GRAP2: variants seen among roughly 807,000 people sequenced by gnomAD.
GRAP2 encodes GRB2 related adaptor protein 2, also known as GRB2-related adapter protein 2.
Under a neutral mutation model 43.5 loss-of-function variants are expected in GRAP2, and 31 were observed. The observed-to-expected ratio is 0.71, with a 90% CI of 0.54 to 0.96. The LOEUF (loss-of-function observed/expected upper bound fraction) is 0.96. Ranked by LOEUF, GRAP2 falls within the 40% of genes least tolerant of loss-of-function variation. The pLI, the probability that GRAP2 is intolerant of heterozygous loss-of-function variation, is 0.00. For synonymous variants in GRAP2, 156 were observed against 164.8 expected, an observed-to-expected ratio of 0.95 and a Z score of 0.41; for missense variants, 371 against 424.4, an observed-to-expected ratio of 0.87 and a Z score of 1.11.
intron 1 of GRAP2, among the ~76,000 whole-genome samples, chr22:39,930,701 C>T (rs1054259222): frequency 6.6e-6 from 1 of 152,200 alleles, no homozygotes; most frequent in Non-Finnish European, 1.5e-5. Flanking sequence ...TCCCATCATC[C>T]TTGGTATGAA....
At chr22:39,897,918 C>T (rs980767308), upstream of GRAP2, among the ~76,000 whole-genome samples, 2 of 152,098 alleles carry the variant, frequency 1.3e-5, no homozygotes, top group African/African-American at 4.8e-5. Context: ...AACTTAAAAC[C>T]CAAGTCAGAT....
At chr22:39,954,475 A>C (rs2067023688) in intron 2 of GRAP2, among the ~76,000 whole-genome samples, 1 of 152,090 alleles carries the variant, frequency 6.6e-6, no homozygotes, top group Non-Finnish European at 1.5e-5. Flanking sequence ...GGTTCACTGC[A>C]ACCTTGCCTC....
At chr22:39,949,787 T>G (rs2066962737) in intron 2 of GRAP2, among the ~76,000 whole-genome samples, 1 of 152,186 alleles carries the variant, frequency 6.6e-6, no homozygotes, top group Admixed American at 6.5e-5. Context: ...GTGGCCCGCA[T>G]TATCGGGATC....
intron 3 of GRAP2, among the ~76,000 whole-genome samples, chr22:39,959,090 A>G (rs2067088758): frequency 6.6e-6 from 1 of 152,230 alleles, no homozygotes; most frequent in Admixed American, 6.5e-5. Context: ...GACAGCAATT[A>G]GAGCAGCCAC....
In GRAP2 at chr22:39,972,949, T is replaced by G. The variant is rs928381696; in HGVS notation, c.*1865T>G. On this transcript the variant is annotated 3_prime_UTR_variant, in exon 8 of 8. Coordinates refer to ENST00000344138, the MANE Select transcript of GRAP2 (RefSeq NM_004810.4). ...TGAGTGGGGCCAGGGAAGAGAACGG[T>G]GTGGAGTTGGTGGGCAGATGGTGCA... 4.6e-5 allele frequency: 7 copies of G among 152,506 alleles called. No homozygotes were observed. The highest frequency in any genetic ancestry group is 1.7e-4 in the African/African-American group (7 of 41,064). The allele number at this position is 152,506 out of a possible 1,614,324, so 9.4% of individuals were successfully genotyped here.
At chr22:39,926,858 G>A (rs1331876456) in intron 1 of GRAP2, 2 of 983,456 alleles carry the variant, frequency 2.0e-6, no homozygotes. Flanking sequence ...AATCAAGTAA[G>A]TATAAATATA....
chr22:39,944,338 C>T (rs1197491803), intron 1 of GRAP2, among the ~76,000 whole-genome samples: 1 of 152,122 alleles, frequency 6.6e-6, no homozygotes, highest in Non-Finnish European at 1.5e-5. Flanking sequence ...AAACCGACCC[C>T]TGAGGGTGAC....
At chr22:39,963,332 C>T (rs2067138237) in intron 4 of GRAP2, among the ~76,000 whole-genome samples, 1 of 152,214 alleles carries the variant, frequency 6.6e-6, no homozygotes, top group South Asian at 2.1e-4. Context: ...CCTTGTAGAC[C>T]CAGATAACCA....
chr22:39,954,928 C>A (rs937258097), intron 2 of GRAP2, among the ~76,000 whole-genome samples: 1 of 152,160 alleles, frequency 6.6e-6, no homozygotes, highest in South Asian at 2.1e-4. Flanking sequence ...AAAAGGCATC[C>A]CAAGTATCTT....
At chr22:39,903,294 C>T (rs1014242719) in intron 1 of GRAP2, among the ~76,000 whole-genome samples, 2 of 152,066 alleles carry the variant, frequency 1.3e-5, no homozygotes, top group African/African-American at 4.8e-5. Context: ...ACAATAGGGT[C>T]GCTAGGTCCC....
chr22:39,949,392 T>G (rs2066958271), intron 2 of GRAP2, among the ~76,000 whole-genome samples: 1 of 152,108 alleles, frequency 6.6e-6, no homozygotes, highest in South Asian at 2.1e-4. Context: ...CCCCTCCATT[T>G]CATAGATGAG....
In GRAP2 at chr22:39,947,872, G is replaced by A. The variant is rs374654429; in HGVS notation, c.78+688G>A. 2.6e-5 allele frequency: 4 copies of A among 152,462 alleles called. No individual in the cohort carries two copies. In the East Asian group the frequency reaches 5.8e-4, roughly 22 times the overall value. 9.4% of individuals were successfully genotyped at this position (152,462 alleles called of 1,614,324 possible). A position where few individuals can be genotyped will look rare whatever the true frequency, so the allele number is the denominator to read the frequency against. On this transcript the variant is annotated intron_variant, in intron 2 of 7. Coordinates refer to ENST00000344138, the MANE Select transcript of GRAP2 (RefSeq NM_004810.4). ...AGCCCTTGGGTTTTTGTTTTGTTTT[G>A]TTTGTTTGCAAAAGAGCATAAGCCC...
At chr22:39,917,979 A>G (rs2066616572) in intron 1 of GRAP2, among the ~76,000 whole-genome samples, 1 of 152,208 alleles carries the variant, frequency 6.6e-6, no homozygotes, top group Non-Finnish European at 1.5e-5. Context: ...AACCAAAATA[A>G]TACATTTTCT....
chr22:39,933,025 A>G (rs146459836), intron 1 of GRAP2, among the ~76,000 whole-genome samples: 1 of 152,354 alleles, frequency 6.6e-6, no homozygotes, highest in Non-Finnish European at 1.5e-5. Flanking sequence ...AGCAAGGGGT[A>G]GATAACTTCA....
upstream of GRAP2, among the ~76,000 whole-genome samples, chr22:39,900,763 C>T (rs1006730106): frequency 4.6e-5 from 7 of 152,068 alleles, no homozygotes; most frequent in South Asian, 2.1e-4. Context: ...TGTGAGTGAT[C>T]GAGGGTGCTC....
At chr22:39,919,747 A>G (rs1316607283) in intron 1 of GRAP2, among the ~76,000 whole-genome samples, 1 of 152,286 alleles carries the variant, frequency 6.6e-6, no homozygotes, top group Non-Finnish European at 1.5e-5. Flanking sequence ...ACAAATATTT[A>G]CTAAGCATCT....
intron 1 of GRAP2, among the ~76,000 whole-genome samples, chr22:39,945,339 G>A (rs1215047939): frequency 3.3e-5 from 5 of 152,204 alleles, no homozygotes; most frequent in East Asian, 1.9e-4. Context: ...AATTACCTTC[G>A]AAAGATTGAA....
At chr22:39,926,568 A>G in intron 1 of GRAP2, 4 of 982,330 alleles carry the variant, frequency 4.1e-6, no homozygotes, top group Non-Finnish European at 4.8e-6. Context: ...GGTTTTTTCT[A>G]CATGCTCTAG....
intron 3 of GRAP2, among the ~76,000 whole-genome samples, chr22:39,958,025 G>A (rs988995928): frequency 3.3e-5 from 5 of 152,000 alleles, no homozygotes; most frequent in African/African-American, 1.2e-4. Context: ...TCTTCAAAAG[G>A]AGTGTGTGCA....
Sources: allele counts gnomAD v4.1 joint callset (sites outside exome capture counted in the v4.1 genomes callset), GRCh38; gene constraint gnomAD v4.1.1; transcripts MANE v1.5; gene names NCBI Gene and HGNC (gene_info 2026-07-23, HGNC 2026-07-21).